The following MFAP3L variants were observed in gnomAD, a reference collection of about 807,000 sequenced individuals.
The protein encoded by MFAP3L is microfibrillar-associated protein 3-like.
A neutral mutation model predicts 20.0 loss-of-function variants in MFAP3L; 5 were observed. That is an observed-to-expected ratio of 0.25 (90% CI 0.13 to 0.53). The LOEUF is 0.53. Among genes scored for constraint, MFAP3L ranks in the 20% least tolerant of loss-of-function variants. The probability of loss-of-function intolerance (pLI) is 0.96; values close to 1 mark genes in which losing one functional copy is unlikely to be tolerated. For synonymous variants in MFAP3L, 219 were observed against 213.0 expected, an observed-to-expected ratio of 1.03 and a Z score of -0.25; for missense variants, 409 against 527.5, an observed-to-expected ratio of 0.78 and a Z score of 2.20.
At chr4:170,014,893 A>G (rs1179171541) in intron 1 of MFAP3L, among the ~76,000 whole-genome samples, 1 of 152,226 alleles carries the variant, frequency 6.6e-6, no homozygotes, top group Non-Finnish European at 1.5e-5. Context: ...AGCTCATAAT[A>G]AAGCTACTCA....
intron 1 of MFAP3L, among the ~76,000 whole-genome samples, chr4:170,018,630 GGTTAA>G: frequency 6.6e-6 from 1 of 152,130 alleles, no homozygotes; most frequent in South Asian, 2.1e-4. Flanking sequence ...GGCAAAGGAT[GGTTAA>G]TACTCAGATG....
chr4:170,004,292 A>G (rs1738887581), intron 2 of MFAP3L, among the ~76,000 whole-genome samples: 1 of 152,128 alleles, frequency 6.6e-6, no homozygotes, highest in South Asian at 2.1e-4. Flanking sequence ...GTAAATGGGT[A>G]TTTGAACTAT....
intron 1 of MFAP3L, among the ~76,000 whole-genome samples, chr4:170,009,563 G>A (rs2111022090): frequency 6.6e-6 from 1 of 152,122 alleles, no homozygotes; most frequent in East Asian, 1.9e-4. Flanking sequence ...CAAGAACAAA[G>A]ACCACAGCTT....
intron 2 of MFAP3L, among the ~76,000 whole-genome samples, chr4:169,999,259 A>C (rs375905149): frequency 6.6e-6 from 1 of 152,192 alleles, no homozygotes; most frequent in South Asian, 2.1e-4. Flanking sequence ...CATCATGTAG[A>C]GCGAAGGTGG....
intron 2 of MFAP3L, among the ~76,000 whole-genome samples, chr4:170,004,407 A>T (rs1450218017): frequency 3.9e-5 from 6 of 152,164 alleles, no homozygotes; most frequent in Non-Finnish European, 7.4e-5. Context: ...CATAATATGT[A>T]ATATTTTGAC....
chr4:169,988,434 C>A lies in MFAP3L; in HGVS notation c.*2944G>T, dbSNP rs1169679020. On this transcript the variant is annotated 3_prime_UTR_variant, in exon 3 of 3. Coordinates refer to ENST00000361618, the MANE Select transcript of MFAP3L (RefSeq NM_021647.8). The stretch of plus-strand genomic sequence containing the variant: ...GATATGACCAGGATGACTCAGAAGC[C>A]AGAAATTGATTTTACAAACGACTAC... 1 of 152,084 alleles carries A rather than the reference C, an allele frequency of 6.6e-6. No homozygotes were observed. The highest frequency in any genetic ancestry group is 2.4e-5 in the African/African-American group (1 of 41,386). The allele number at this position is 152,084 out of a possible 1,614,324, so 9.4% of individuals were successfully genotyped here.
At chr4:170,003,526 A>G (rs760637392) in intron 2 of MFAP3L, 22 of 261,766 alleles carry the variant, frequency 8.4e-5, no homozygotes, top group Non-Finnish European at 1.2e-4. Context: ...TCTCAGACGC[A>G]GTAAGATACT....
intron 2 of MFAP3L, chr4:169,994,679 G>A (rs1331644013): frequency 6.5e-6 from 3 of 462,192 alleles, no homozygotes; most frequent in African/African-American, 4.3e-5. Context: ...TTGTTAAAAG[G>A]GGCATAGCTT....
At chr4:170,026,157 A>G (rs1425502336) in intron 1 of MFAP3L, 77 bp downstream of exon 1, 17 of 875,840 alleles carry the variant, frequency 1.9e-5, no homozygotes, top group Non-Finnish European at 2.2e-5. Flanking sequence ...CCCGGCGCCG[A>G]CTCGGCCGCC....
rs1291355077 is a variant in MFAP3L, at chr4:170,026,361, G to A, written c.-261C>T. The A allele has an allele frequency of 9.0e-6, 8 of 884,810 alleles. No homozygotes were observed. The highest frequency in any genetic ancestry group is 1.1e-5 in the Non-Finnish European group (8 of 739,214). 54.8% of individuals were successfully genotyped at this position (884,810 alleles called of 1,614,324 possible). A position where few individuals can be genotyped will look rare whatever the true frequency, so the allele number is the denominator to read the frequency against. ...CTACTGCGGGCGAGCCGCCTCCGCC[G>A]GCGCCTCACAGCGTTGCGAGCTGCG... On this transcript the variant is annotated 5_prime_UTR_variant, in exon 1 of 3. Transcript: ENST00000361618.
chr4:170,017,566 CCTGTTACCTG>C (rs1739777681), intron 1 of MFAP3L, among the ~76,000 whole-genome samples: 2 of 152,182 alleles, frequency 1.3e-5, no homozygotes, highest in Admixed American at 1.3e-4. Flanking sequence ...GTCCAGGGCT[CCTGTTACCTG>C]CACACGGTGG....
chr4:170,005,496 T>C (rs1738969419), intron 2 of MFAP3L, 84 bp downstream of exon 2: 1 of 1,384,158 alleles, frequency 7.2e-7, no homozygotes, highest in African/African-American at 1.4e-5. Flanking sequence ...ATCATTTGCA[T>C]GAGAAGAACT....
intron 1 of MFAP3L, among the ~76,000 whole-genome samples, chr4:170,025,233 AT>A (rs2111091764): frequency 6.6e-6 from 1 of 152,298 alleles, no homozygotes; most frequent in East Asian, 1.9e-4. Context: ...TCCATCTTGT[AT>A]TTCATCTTGA....
At position 170,004,498 on chromosome 4, in the gene MFAP3L, C is replaced by T. The variant is rs184744313; in HGVS notation, c.298+1082G>A. ...TGTAAGTGACAGCACTACAGCAAAC[C>T]CCACATCCTGGCCAATTAGACGGCT... On this transcript the variant is annotated intron_variant, in intron 2 of 2. Coordinates refer to ENST00000361618, the MANE Select transcript of MFAP3L (RefSeq NM_021647.8). Among the ~76,000 whole-genome samples the T allele has an allele frequency of 3.5e-3, 527 of 152,242 alleles. 5 individuals are homozygous for T. Among genetic ancestry groups the T allele is most frequent in the African/African-American group, 0.012 (511 of 41,542 alleles).
chr4:170,026,423 A>C, upstream of MFAP3L: 1 of 374,530 alleles, frequency 2.7e-6, no homozygotes, highest in Non-Finnish European at 3.7e-6. Context: ...TCCCACCTAC[A>C]GGAGCCTGGG....
At chr4:169,999,755 C>T (rs546427164) in intron 2 of MFAP3L, among the ~76,000 whole-genome samples, 2 of 152,210 alleles carry the variant, frequency 1.3e-5, no homozygotes, top group Non-Finnish European at 2.9e-5. Flanking sequence ...TGATATGGCT[C>T]AATTCAGAAA....
At chr4:169,998,219 C>T (rs561592085) in intron 2 of MFAP3L, among the ~76,000 whole-genome samples, 2 of 152,212 alleles carry the variant, frequency 1.3e-5, no homozygotes, top group Admixed American at 6.5e-5. Context: ...CTCAATAGGA[C>T]AGTGCCAGGT....
At chr4:170,022,210 C>G (rs1740078694) in intron 1 of MFAP3L, among the ~76,000 whole-genome samples, 1 of 152,212 alleles carries the variant, frequency 6.6e-6, no homozygotes, top group Middle Eastern at 3.2e-3. Context: ...GCTGCCATTT[C>G]AGATGAATCC....
At position 170,007,702 on chromosome 4, in the gene MFAP3L, G is replaced by T. The variant is rs569375396; in HGVS notation, c.-133-1692C>A. ...AATTATAAATGACTTTCAGCACTGG[G>T]TCCTTTGCAGGGGCTCAAGTCTGAG... On this transcript the variant is annotated intron_variant, in intron 1 of 2. Transcript: ENST00000361618. Among the ~76,000 whole-genome samples, 165 of 152,172 alleles carry T rather than the reference G, an allele frequency of 1.1e-3. 2 individuals carry two copies. Among genetic ancestry groups the T allele is most frequent in the African/African-American group, 3.2e-3 (133 of 41,510 alleles).
Sources: allele counts gnomAD v4.1 joint callset (sites outside exome capture counted in the v4.1 genomes callset), GRCh38; gene constraint gnomAD v4.1.1; transcripts MANE v1.5; gene names NCBI Gene and HGNC (gene_info 2026-07-23, HGNC 2026-07-21).